Variants in TBCE observed in about 807,000 individuals in gnomAD.
TBCE encodes tubulin folding cofactor E.
Under a neutral mutation model 77.0 loss-of-function variants are expected in TBCE, and 53 were observed. That is an observed-to-expected ratio of 0.69 (90% CI 0.55 to 0.87). TBCE has a LOEUF of 0.87. Among genes scored for constraint, TBCE ranks in the 40% least tolerant of loss-of-function variants. TBCE has a pLI of 0.00. For missense variants in TBCE, 624 were observed against 622.4 expected, an observed-to-expected ratio of 1.00 and a Z score of -0.03; for synonymous variants, 235 against 241.3, an observed-to-expected ratio of 0.97 and a Z score of 0.24.
rs556522630 is a variant in TBCE, at chr1:235,448,253, T to TATCA, written c.1400-95_1400-92dup. The TATCA allele has an allele frequency of 3.9e-4, 314 of 798,700 alleles. 5 individuals are homozygous for TATCA. The Admixed American group carries it at 5.5e-3, about 14-fold the overall frequency. The allele number at this position is 798,700 out of a possible 1,614,324, so 49.5% of individuals were successfully genotyped here. A position where few individuals can be genotyped will look rare whatever the true frequency, so the allele number is the denominator to read the frequency against. On this transcript the variant is annotated intron_variant, in intron 15 of 16. Coordinates refer to ENST00000642610, the MANE Select transcript of TBCE (RefSeq NM_003193.5). ...AAAAAAAAAAAAAGACAGATACAGC[T>TATCA]ATCATTGCAATGATACTGTGGTCTC...
In TBCE at chr1:235,397,214, T is replaced by C. The variant is rs969975315; in HGVS notation, c.101-4289T>C. Reference sequence around the variant, plus strand: ...GGTCTCAATCTCTTTTTTTTTTTTTTTTTTTGAGACGGAGTCTTGCTCTGT... The same window carrying C: ...GGTCTCAATCTCTTTTTTTTTTTTTCTTTTTGAGACGGAGTCTTGCTCTGT... On this transcript the variant is annotated intron_variant, in intron 2 of 16. Transcript: ENST00000642610. 3.5e-3 allele frequency among the ~76,000 whole-genome samples: 531 copies of C among 149,760 alleles called. 3 individuals carry two copies. The highest frequency in any genetic ancestry group is 0.013 in the African/African-American group (518 of 40,886).
intron 3 of TBCE, among the ~76,000 whole-genome samples, chr1:235,404,507 A>C (rs552002268): frequency 1.3e-5 from 2 of 152,178 alleles, no homozygotes; most frequent in East Asian, 3.9e-4. Context: ...GCTCTGGGTA[A>C]GTGAGTGAGT....
At chr1:235,440,398 A>T (rs983943042) in intron 13 of TBCE, among the ~76,000 whole-genome samples, 13 of 151,642 alleles carry the variant, frequency 8.6e-5, no homozygotes, top group African/African-American at 2.9e-4. Flanking sequence ...CCGTATATAT[A>T]TATATTTTTT....
rs548827011 is a variant in TBCE, at chr1:235,450,512, G to GA, written c.*1753dup. On this transcript the variant is annotated 3_prime_UTR_variant, in exon 17 of 17. Transcript: ENST00000642610. ...TTGGGGGTGGCACCTCCTGATTTGG[G>GA]AAAGCACCAGGTCCCACAGTCCTGT... The GA allele has an allele frequency of 1.4e-3, 958 of 687,544 alleles. 7 individuals carry two copies. In the African/African-American group the frequency reaches 0.016, roughly 11 times the overall value. 42.6% of individuals were successfully genotyped at this position (687,544 alleles called of 1,614,324 possible).
At position 235,393,487 on chromosome 1, in the gene TBCE, G is replaced by A. The variant is rs546673328; in HGVS notation, c.101-8016G>A. 3.3e-5 allele frequency among the ~76,000 whole-genome samples: 5 copies of A among 152,262 alleles called. No individual in the cohort carries two copies. The East Asian group carries it at 5.8e-4, about 18-fold the overall frequency. On this transcript the variant is annotated intron_variant, in intron 2 of 16. Transcript: ENST00000642610. Reference sequence around the variant, plus strand: ...CAGGAGGTGGAGGTTGCGGTGAGCCGAGATGGCGCCACTGCACTCCAGCCT... The same window carrying A: ...CAGGAGGTGGAGGTTGCGGTGAGCCAAGATGGCGCCACTGCACTCCAGCCT...
intron 1 of TBCE, among the ~76,000 whole-genome samples, chr1:235,371,689 TGAGACA>T (rs1676965424): frequency 6.6e-6 from 1 of 151,606 alleles, no homozygotes; most frequent in Non-Finnish European, 1.5e-5. Flanking sequence ...CCTTTTTTTC[TGAGACA>T]GAGTTTTGCT....
At chr1:235,390,050 C>G (rs116951045) in intron 2 of TBCE, among the ~76,000 whole-genome samples, 1 of 151,226 alleles carries the variant, frequency 6.6e-6, no homozygotes, top group African/African-American at 2.4e-5. Context: ...CGCTTGAACA[C>G]GGGAGGAAGA....
intron 2 of TBCE, among the ~76,000 whole-genome samples, chr1:235,400,324 T>G (rs1413120740): frequency 6.6e-6 from 1 of 152,102 alleles, no homozygotes; most frequent in African/African-American, 2.4e-5. Context: ...ATCTTTAGGC[T>G]TCTATCTGGT....
chr1:235,399,746 G>A (rs1678972665), intron 2 of TBCE, among the ~76,000 whole-genome samples: 1 of 152,198 alleles, frequency 6.6e-6, no homozygotes, highest in African/African-American at 2.4e-5. Flanking sequence ...CAAATACAAA[G>A]AGGGGGCTGT....
chr1:235,422,668 A>G (rs996175153), intron 5 of TBCE, among the ~76,000 whole-genome samples: 2 of 151,922 alleles, frequency 1.3e-5, no homozygotes, highest in Non-Finnish European at 2.9e-5. Flanking sequence ...CATCTCTACT[A>G]AAGTACAAAA....
At chr1:235,427,805 C>T (rs570699718) in intron 6 of TBCE, among the ~76,000 whole-genome samples, 16 of 152,142 alleles carry the variant, frequency 1.1e-4, no homozygotes, top group African/African-American at 3.9e-4. Context: ...CTGAGGCAGG[C>T]GGATCACCTG....
chr1:235,435,107 G>GTT (rs11421145), intron 8 of TBCE, among the ~76,000 whole-genome samples: 49 of 142,586 alleles, frequency 3.4e-4, no homozygotes, highest in African/African-American at 1.2e-3. Flanking sequence ...TTTTTGTTTT[G>GTT]TTTTTTTTTT....
chr1:235,448,597 G>A (rs1682647418), intron 16 of TBCE, 73 bp from the exon 17 acceptor site: 1 of 1,414,860 alleles, frequency 7.1e-7, no homozygotes, highest in South Asian at 1.1e-5. Flanking sequence ...ACGGGGTGGG[G>A]GAAGAGTATG....
chr1:235,439,740 G>A (rs1161294989), intron 13 of TBCE, among the ~76,000 whole-genome samples: 3 of 151,744 alleles, frequency 2.0e-5, no homozygotes, highest in African/African-American at 4.8e-5. Flanking sequence ...CACCCGCCTC[G>A]GCCTGTCAAA....
rs1204565671 is a variant in TBCE at position 235,380,063 on chromosome 1, T to C, written c.14T>C (p.Leu5Ser). Residue 5 changes from leucine to serine, a missense_variant, in exon 2 of 17, where the codon TTG (leucine) becomes TCG (serine). Coordinates refer to ENST00000642610, the MANE Select transcript of TBCE (RefSeq NM_003193.5). Reference protein sequence around the residue: MSDTLTADVIGRRVE... With the variant: MSDTSTADVIGRRVE... ...GGATATATTATAATGAGTGACACTT[T>C]GACAGCGGATGTCATTGGTCGAAGA... 6.2e-7 allele frequency: 1 copy of C among 1,613,912 alleles called. No individual in the cohort carries two copies.
rs749821890 is a variant in TBCE, at chr1:235,445,238, GCACT to G, written c.1399+2342_1399+2345del. On this transcript the variant is annotated intron_variant, in intron 15 of 16. Transcript: ENST00000642610. ...ATTTGCTTTTCTGTTTCTCAAATGT[GCACT>G]CACTCACTCACTCATACAAAGGTTC... 1.2e-4 allele frequency among the ~76,000 whole-genome samples: 19 copies of G among 152,142 alleles called. No individual in the cohort carries two copies. In the East Asian group the frequency reaches 1.3e-3, roughly 11 times the overall value.
intron 2 of TBCE, among the ~76,000 whole-genome samples, chr1:235,396,954 G>A (rs914051297): frequency 6.7e-5 from 10 of 148,350 alleles, no homozygotes; most frequent in Non-Finnish European, 1.3e-4. Flanking sequence ...TTTGTTGATT[G>A]TTTATTTATT....
intron 6 of TBCE, 147 bp downstream of exon 6, chr1:235,427,386 G>C (rs1680785874): frequency 2.8e-6 from 2 of 702,552 alleles, no homozygotes; most frequent in Admixed American, 2.1e-5. Flanking sequence ...AATTACTCAG[G>C]CTGATAGTGA....
At chr1:235,444,827 T>C (rs907423486) in intron 15 of TBCE, among the ~76,000 whole-genome samples, 5 of 152,284 alleles carry the variant, frequency 3.3e-5, no homozygotes, top group African/African-American at 1.2e-4. Context: ...CTCAAGAATA[T>C]TGTCATTAGA....
Sources: allele counts gnomAD v4.1 joint callset (sites outside exome capture counted in the v4.1 genomes callset), GRCh38; gene constraint gnomAD v4.1.1; transcripts MANE v1.5; gene names NCBI Gene and HGNC (gene_info 2026-07-23, HGNC 2026-07-21).